Variants in HOOK1 observed in about 807,000 individuals in gnomAD.
The protein encoded by HOOK1 is hook microtubule tethering protein 1.
Under a neutral mutation model 112.8 loss-of-function variants are expected in HOOK1, and 60 were observed. That is an observed-to-expected ratio of 0.53 (90% confidence interval 0.43 to 0.66). The LOEUF (loss-of-function observed/expected upper bound fraction) is 0.66. Ranked by LOEUF, HOOK1 falls within the 30% of genes least tolerant of loss-of-function variation. The pLI is 0.00. For missense variants in HOOK1, 770 were observed against 856.0 expected (o/e 0.90, Z 1.25); for synonymous variants, 294 against 283.8 (o/e 1.04, Z -0.36).
chr1:59,837,948 G>A (rs888955171), intron 7 of HOOK1, among the ~76,000 whole-genome samples: 6 of 152,006 alleles, frequency 3.9e-5, no homozygotes. Context: ...TGTGGTGGTT[G>A]GTTTTCTGAT....
Position 59,873,034 on chromosome 1 carries a change from C to T in HOOK1, c.*69C>T. ...GAAGTGTCCTTAAAATATTTTGTAC[C>T]TTTCAACTAACTACCAGATTGAAAA... is the stretch of plus-strand genomic sequence containing the variant. On this transcript the variant is annotated 3_prime_UTR_variant, in exon 22 of 22. Coordinates refer to ENST00000371208, the MANE Select transcript of HOOK1 (RefSeq NM_015888.6). 1 of 1,165,374 alleles carries T rather than the reference C, an allele frequency of 8.6e-7. No individual in the cohort carries two copies. The highest frequency in any genetic ancestry group is 1.6e-5 in the African/African-American group (1 of 62,802). The allele number at this position is 1,165,374 out of a possible 1,614,324, so 72.2% of individuals were successfully genotyped here.
chr1:59,854,299 C>T (rs2098409388), intron 12 of HOOK1, among the ~76,000 whole-genome samples: 1 of 151,372 alleles, frequency 6.6e-6, no homozygotes, highest in Non-Finnish European at 1.5e-5. Context: ...ACCCACCTGC[C>T]TCGACCTCCC....
chr1:59,822,218 C>T lies in HOOK1; in HGVS notation c.149+275C>T, dbSNP rs1357666593. Among the ~76,000 whole-genome samples the T allele has an allele frequency of 2.0e-5, 3 of 152,102 alleles. No individual in the cohort carries two copies. The South Asian group carries it at 6.2e-4, about 32-fold the overall frequency. On this transcript the variant is annotated intron_variant, in intron 2 of 21. Transcript: ENST00000371208. ...ATTTTAAACTTGTTATGAGCATGTT[C>T]ACACTATTTTAAAACTATAAAAGAA... is the stretch of plus-strand genomic sequence containing the variant.
At chr1:59,821,132 A>T (rs903268217) in intron 1 of HOOK1, among the ~76,000 whole-genome samples, 1 of 152,306 alleles carries the variant, frequency 6.6e-6, no homozygotes, top group Non-Finnish European at 1.5e-5. Context: ...TTATAGGTTG[A>T]GATTACCTTT....
intron 2 of HOOK1, among the ~76,000 whole-genome samples, chr1:59,827,056 G>T (rs1203215265): frequency 6.6e-6 from 1 of 152,102 alleles, no homozygotes; most frequent in Non-Finnish European, 1.5e-5. Flanking sequence ...TGAGCCATGC[G>T]CCTGGCCCAA....
At chr1:59,821,801 A>G in intron 1 of HOOK1, 57 bp from the exon 2 acceptor site, 1 of 1,168,726 alleles carries the variant, frequency 8.6e-7, no homozygotes. Context: ...TGCATTTTGT[A>G]ATGCTACCTT....
intron 9 of HOOK1, among the ~76,000 whole-genome samples, chr1:59,844,810 T>C (rs905203796): frequency 3.3e-5 from 5 of 152,004 alleles, no homozygotes; most frequent in East Asian, 3.9e-4. Context: ...TATTTTGTTT[T>C]TGATGCTATT....
Position 59,875,529 on chromosome 1 carries a change from A to G in HOOK1, c.*2564A>G, listed in dbSNP as rs1644117927. 1 of 152,598 alleles carries G rather than the reference A, an allele frequency of 6.6e-6. No homozygotes were observed. Among genetic ancestry groups the G allele is most frequent in the Non-Finnish European group, 1.5e-5 (1 of 68,010 alleles). 9.5% of individuals were successfully genotyped at this position (152,598 alleles called of 1,614,324 possible). A position where few individuals can be genotyped will look rare whatever the true frequency, so the allele number is the denominator to read the frequency against. ...AAAGCATTATAAACATTTCATCTTG[A>G]ACCATGATTTATACACATCTGTGTT... On this transcript the variant is annotated 3_prime_UTR_variant, in exon 22 of 22. Transcript: ENST00000371208.
chr1:59,830,914 T>C (rs893434108), intron 3 of HOOK1, among the ~76,000 whole-genome samples: 7 of 151,856 alleles, frequency 4.6e-5, no homozygotes, highest in South Asian at 2.1e-4. Flanking sequence ...TTTTTTTTTT[T>C]TCCTGAGACA....
intron 12 of HOOK1, among the ~76,000 whole-genome samples, chr1:59,856,561 A>G (rs377673088): frequency 6.6e-6 from 1 of 152,058 alleles, no homozygotes; most frequent in South Asian, 2.1e-4. Flanking sequence ...ATAATATAAA[A>G]TTTCAAATCT....
intron 1 of HOOK1, among the ~76,000 whole-genome samples, chr1:59,818,372 A>G (rs2098383085): frequency 6.6e-6 from 1 of 152,218 alleles, no homozygotes; most frequent in South Asian, 2.1e-4. Context: ...AGTTATGTGA[A>G]GGAATGCCTC....
At chr1:59,865,762 T>C (rs1480488697) in intron 18 of HOOK1, 110 bp from the exon 19 acceptor site, 4 of 426,918 alleles carry the variant, frequency 9.4e-6, no homozygotes, top group East Asian at 8.4e-5. Context: ...TTTTAAGTTA[T>C]CGTCTTTAGA....
chr1:59,819,852 C>T (rs953883837), intron 1 of HOOK1, among the ~76,000 whole-genome samples: 2 of 152,094 alleles, frequency 1.3e-5, no homozygotes, highest in African/African-American at 2.4e-5. Context: ...GTTTCTCTTC[C>T]CTGTACATCC....
chr1:59,828,954 T>C (rs1263341132), intron 3 of HOOK1, 102 bp downstream of exon 3: 14 of 864,160 alleles, frequency 1.6e-5, no homozygotes, highest in Non-Finnish European at 2.0e-5. Flanking sequence ...TAGTACTTTT[T>C]GTTGTGTATA....
Position 59,849,143 on chromosome 1 carries a change from G to T in HOOK1, c.1202G>T (p.Arg401Leu). 6.2e-7 allele frequency: 1 copy of T among 1,608,868 alleles called. No individual in the cohort carries two copies. The highest frequency in any genetic ancestry group is 8.5e-7 in the Non-Finnish European group (1 of 1,176,474). ...GACACACTAGCGTTTGAAATGAAGC[G>T]GCTTGAAGAAAAACATGAAGCTTTA... is the stretch of plus-strand genomic sequence containing the variant. The part of the protein sequence containing the change: ...RADTLAFEMK[R>L]LEEKHEALLK... The change falls in exon 12 of 22, where the codon CGG becomes CTG. Residue 401 changes from arginine to leucine, a missense_variant. Arg to Leu is a moderately radical substitution (Grantham distance 102, BLOSUM62 -2). This residue lies in a region of HOOK1 where 655 missense variants were observed against 725.9 expected (regional missense o/e 0.90). Transcript: ENST00000371208.
Position 59,832,183 on chromosome 1 carries a change from C to A in HOOK1, c.243C>A (p.Val81=). The A allele has an allele frequency of 1.3e-6, 2 of 1,553,544 alleles. No homozygotes were observed. Among genetic ancestry groups the A allele is most frequent in the Non-Finnish European group, 8.8e-7 (1 of 1,142,342 alleles). Residue 81 remains valine, a synonymous_variant, in exon 4 of 22, where the codon GTC becomes GTA. Transcript: ENST00000371208. The stretch of plus-strand genomic sequence containing the variant: ...ATTAGGCCAGTAATGTAAAGAAGGT[C>A]CTTCAAGGAATTATGAGTTATTATC... ...WRIKASNVKK[V]LQGIMSYYHE... is the part of the protein sequence containing the mutation.
intron 16 of HOOK1, among the ~76,000 whole-genome samples, chr1:59,863,208 C>T (rs2098414528): frequency 6.6e-6 from 1 of 152,110 alleles, no homozygotes; most frequent in African/African-American, 2.4e-5. Context: ...TTGAGGCCTT[C>T]ATAGTTCTGC....
intron 9 of HOOK1, among the ~76,000 whole-genome samples, chr1:59,846,678 T>C (rs1399360875): frequency 6.7e-6 from 1 of 149,842 alleles, no homozygotes; most frequent in African/African-American, 2.4e-5. Context: ...TGGTTTACTG[T>C]TGTCCCCCAA....
In HOOK1 at chr1:59,843,492, A is replaced by G. The variant is rs755539527; in HGVS notation, c.682A>G (p.Lys228Glu). 1.2e-6 allele frequency: 2 copies of G among 1,611,138 alleles called. No individual in the cohort carries two copies. The highest frequency in any genetic ancestry group is 2.2e-5 in the East Asian group (1 of 44,722). Residue 228 changes from lysine to glutamate, a missense_variant, in exon 9 of 22, where the codon AAA becomes GAA. Lys to Glu is a moderately conservative substitution (Grantham distance 56). Transcript: ENST00000371208. ...LVSENEMMNE[K>E]LDQLDGSFDD... is the part of the protein sequence containing the mutation. ...TTCTGAAAATGAGATGATGAATGAAAAACTTGACCAGTTGGATGGCTCTTT... is the reference window on the plus strand; with the variant it reads ...TTCTGAAAATGAGATGATGAATGAAGAACTTGACCAGTTGGATGGCTCTTT...
Sources: allele counts gnomAD v4.1 joint callset (sites outside exome capture counted in the v4.1 genomes callset), GRCh38; gene constraint gnomAD v4.1.1; regional missense constraint gnomAD v4.1.1; transcripts MANE v1.5; gene names NCBI Gene and HGNC (gene_info 2026-07-23, HGNC 2026-07-21).